SAMD12: variants seen among roughly 807,000 people sequenced by gnomAD.
SAMD12 encodes sterile alpha motif domain containing 12, also known as sterile alpha motif domain-containing protein 12.
Under a neutral mutation model 15.0 loss-of-function variants are expected in SAMD12, and 9 were observed. That is an observed-to-expected ratio of 0.60 (90% CI 0.36 to 1.05). SAMD12 has a LOEUF of 1.05. SAMD12 is among the 50% of genes least tolerant of loss of function. SAMD12 has a pLI of 0.01. For synonymous variants in SAMD12, 86 were observed against 90.1 expected (o/e 0.96, Z 0.25); for missense variants, 230 against 234.2 (o/e 0.98, Z 0.12).
intron 4 of SAMD12, among the ~76,000 whole-genome samples, chr8:118,342,865 G>C (rs1462761404): frequency 6.6e-6 from 1 of 152,170 alleles, no homozygotes; most frequent in Non-Finnish European, 1.5e-5. Context: ...CAGAAAAATG[G>C]GCACAGCTAT....
intron 3 of SAMD12, among the ~76,000 whole-genome samples, chr8:118,431,225 T>C (rs539517548): frequency 2.3e-4 from 35 of 152,348 alleles, no homozygotes; most frequent in Non-Finnish European, 4.6e-4. Context: ...ATCTATATGG[T>C]ATAAAACCCA....
rs548967409 is a variant in SAMD12 at position 118,438,735 on chromosome 8, G to A, written c.322+1097C>T. Among the ~76,000 whole-genome samples, 5 of 152,252 alleles carry A rather than the reference G, an allele frequency of 3.3e-5. No individual in the cohort carries two copies. The South Asian group carries it at 1.0e-3, about 32-fold the overall frequency. Reference sequence around the variant, plus strand: ...GAGTGAACAGAACAAGAGAGATTAGGATTTGTCATGACAGAAAGTGTGGGT... The same window carrying A: ...GAGTGAACAGAACAAGAGAGATTAGAATTTGTCATGACAGAAAGTGTGGGT... On this transcript the variant is annotated intron_variant, in intron 3 of 3. Transcript: ENST00000314727.
chr8:118,435,342 C>T (rs936001100), intron 3 of SAMD12, among the ~76,000 whole-genome samples: 4 of 152,058 alleles, frequency 2.6e-5, no homozygotes, highest in African/African-American at 7.2e-5. Context: ...TAATCTCTTA[C>T]TGAACCTAAT....
At chr8:118,527,573 A>C (rs1300216904) in intron 2 of SAMD12, among the ~76,000 whole-genome samples, 1 of 152,186 alleles carries the variant, frequency 6.6e-6, no homozygotes, top group African/African-American at 2.4e-5. Context: ...ACTACATTAC[A>C]ATCTCCAAAA....
At chr8:118,161,965 GC>G in the SAMD12 span, among the ~76,000 whole-genome samples, 1 of 151,826 alleles carries the variant, frequency 6.6e-6, no homozygotes, top group Admixed American at 6.6e-5. Context: ...TTCAAGACCA[GC>G]CTGGACAACA....
At chr8:118,426,725 A>G (rs1206138614) in intron 3 of SAMD12, among the ~76,000 whole-genome samples, 2 of 152,222 alleles carry the variant, frequency 1.3e-5, no homozygotes, top group Non-Finnish European at 2.9e-5. Flanking sequence ...AGTAGCCTAC[A>G]AATTGGTGCT....
At chr8:118,423,083 G>A (rs977773536) in intron 3 of SAMD12, among the ~76,000 whole-genome samples, 4 of 152,210 alleles carry the variant, frequency 2.6e-5, no homozygotes, top group African/African-American at 9.6e-5. Context: ...GGGAGGCTGT[G>A]TGTGGAGGCT....
At chr8:118,353,198 TTAC>T (rs543514007) in intron 4 of SAMD12, among the ~76,000 whole-genome samples, 1 of 150,886 alleles carries the variant, frequency 6.6e-6, no homozygotes, top group Non-Finnish European at 1.5e-5. Context: ...TGTTCTCTTG[TTAC>T]TACATGTAAT....
rs116562333 is a variant in SAMD12, at chr8:118,324,883, T to C, written c.433+54677A>G. Among the ~76,000 whole-genome samples, 874 of 152,312 alleles carry C rather than the reference T, an allele frequency of 5.7e-3. 6 individuals are homozygous for C. Among genetic ancestry groups the C allele is most frequent in the African/African-American group, 0.02 (835 of 41,562 alleles). On this transcript the variant is annotated intron_variant, in intron 4 of 4. Transcript: ENST00000409003. The stretch of plus-strand genomic sequence containing the variant: ...ATAAGCTTCATCAGAGTAGTGATCA[T>C]GTATGTCCAGTGCTGCCTAGAACAG...
chr8:118,580,589 G>C (rs1265630841), intron 2 of SAMD12, 126 bp downstream of exon 2: 7 of 670,234 alleles, frequency 1.0e-5, no homozygotes, highest in African/African-American at 1.8e-5. Flanking sequence ...GCAAGATACA[G>C]TGCTCATTTG....
intron 2 of SAMD12, among the ~76,000 whole-genome samples, chr8:118,449,796 C>T (rs1473026431): frequency 2.2e-5 from 1 of 44,934 alleles, no homozygotes; most frequent in Non-Finnish European, 3.5e-5. Flanking sequence ...GCGAGACTGT[C>T]TCAAAAAAAA....
chr8:118,376,673 T>C (rs1037624753), downstream of SAMD12, among the ~76,000 whole-genome samples: 11 of 152,132 alleles, frequency 7.2e-5, no homozygotes, highest in African/African-American at 2.7e-4. Flanking sequence ...ACGTGAGCCA[T>C]GGAAGGATAC....
chr8:118,489,416 G>A (rs1012297422), intron 2 of SAMD12, among the ~76,000 whole-genome samples: 5 of 152,132 alleles, frequency 3.3e-5, no homozygotes, highest in African/African-American at 1.2e-4. Context: ...CTAATCTGAG[G>A]TCATGAAGTT....
At chr8:118,604,430 C>T (rs762776597) in intron 1 of SAMD12, among the ~76,000 whole-genome samples, 19 of 152,052 alleles carry the variant, frequency 1.2e-4, no homozygotes, top group African/African-American at 2.7e-4. Context: ...ATGTAAGAGC[C>T]GCAGTGTTTC....
At chr8:118,168,995 AT>A in the SAMD12 span, among the ~76,000 whole-genome samples, 1 of 152,024 alleles carries the variant, frequency 6.6e-6, no homozygotes, top group African/African-American at 2.4e-5. Context: ...TTTAATACTT[AT>A]TTTTTTCTTT....
At chr8:118,465,711 A>C (rs190797063) in intron 2 of SAMD12, among the ~76,000 whole-genome samples, 25 of 152,286 alleles carry the variant, frequency 1.6e-4, no homozygotes, top group Admixed American at 1.6e-3. Flanking sequence ...ATGGCAAACA[A>C]TTACATACAA....
At chr8:118,368,597 T>C (rs17828909) in intron 4 of SAMD12, among the ~76,000 whole-genome samples, 33,992 of 152,116 alleles carry the variant, frequency 0.22, 3,972 homozygotes, top group South Asian at 0.27. Flanking sequence ...TCCTAGGTAA[T>C]GTTGCTCATG....
At chr8:118,372,551 T>C (rs534641492) in intron 4 of SAMD12, among the ~76,000 whole-genome samples, 5 of 152,014 alleles carry the variant, frequency 3.3e-5, no homozygotes, top group African/African-American at 9.6e-5. Flanking sequence ...AGGTCAAACA[T>C]ACATTTAAGA....
At chr8:118,452,638 T>A (rs1030898705) in intron 2 of SAMD12, among the ~76,000 whole-genome samples, 7 of 152,212 alleles carry the variant, frequency 4.6e-5, no homozygotes, top group African/African-American at 1.7e-4. Context: ...TACACCTTTA[T>A]AGTCATTCTA....
Sources: gnomAD v4.1 joint callset for allele counts (sites outside exome capture counted in the v4.1 genomes callset) on GRCh38, gnomAD v4.1.1 for gene constraint, MANE v1.5 for transcripts, NCBI Gene and HGNC (gene_info 2026-07-23, HGNC 2026-07-21) for gene names.